The following DNM2 variants were observed in gnomAD, a reference collection of about 807,000 sequenced individuals.
DNM2 encodes dynamin-2.
DNM2 carries 15 observed loss-of-function variants against 99.0 expected under a neutral mutation model. The observed-to-expected ratio is 0.15, with a 90% CI of 0.10 to 0.23. DNM2 has a LOEUF of 0.23. DNM2 is among the 10% of genes least tolerant of loss of function. The pLI, the probability that DNM2 is intolerant of heterozygous loss-of-function variation, is 1.00. For synonymous variants in DNM2, 525 were observed against 481.2 expected (o/e 1.09, Z -1.19); for missense variants, 742 against 1,189.4 (o/e 0.62, Z 5.53).
At chr19:10,760,746 C>T (rs1390187731) in intron 2 of DNM2, among the ~76,000 whole-genome samples, 1 of 151,328 alleles carries the variant, frequency 6.6e-6, no homozygotes, top group African/African-American at 2.4e-5. Context: ...GCGGCCTCGA[C>T]CTCCTGGGCC....
At chr19:10,719,803 A>G (rs991977986) in intron 1 of DNM2, among the ~76,000 whole-genome samples, 1 of 152,182 alleles carries the variant, frequency 6.6e-6, no homozygotes, top group African/African-American at 2.4e-5. Flanking sequence ...AGGCTGTGTT[A>G]TCATCCCCAC....
At position 10,764,066 on chromosome 19, in the gene DNM2, G is replaced by T. The variant is rs925538838; in HGVS notation, c.235+4255G>T. On this transcript the variant is annotated intron_variant, in intron 2 of 20. Transcript: ENST00000389253. This position sits in a 1 kb window ranked among gnomAD's most constrained non-coding sequence, Gnocchi z 4.1. ...GAGGAGAGGAAAATGAACACATTGC[G>T]GGCATCAGTGATTGCTGGGGCCGGC... Among the ~76,000 whole-genome samples the T allele has an allele frequency of 6.6e-6, 1 of 152,152 alleles. No individual in the cohort carries two copies. Among genetic ancestry groups the T allele is most frequent in the African/African-American group, 2.4e-5 (1 of 41,422 alleles).
At chr19:10,756,115 CACTGTGACT>C (rs2070373552) in intron 1 of DNM2, among the ~76,000 whole-genome samples, 1 of 152,144 alleles carries the variant, frequency 6.6e-6, no homozygotes, top group African/African-American at 2.4e-5. Flanking sequence ...GCCTGGTGTC[CACTGTGACT>C]ACTGTGACGG....
chr19:10,800,149 T>G (rs985564747), intron 11 of DNM2, among the ~76,000 whole-genome samples: 2 of 152,184 alleles, frequency 1.3e-5, no homozygotes, highest in Non-Finnish European at 1.5e-5. Context: ...GAGCCACTGC[T>G]CCCAGATCTG....
chr19:10,831,748 G>C lies in DNM2; in HGVS notation c.*701G>C, dbSNP rs2146216493. 1 of 986,414 alleles carries C rather than the reference G, an allele frequency of 1.0e-6. No homozygotes were observed. The highest frequency in any genetic ancestry group is 1.1e-4 in the East Asian group (1 of 8,806). 61.1% of individuals were successfully genotyped at this position (986,414 alleles called of 1,614,324 possible). A position where few individuals can be genotyped will look rare whatever the true frequency, so the allele number is the denominator to read the frequency against. On this transcript the variant is annotated 3_prime_UTR_variant, in exon 21 of 21. Coordinates refer to ENST00000389253, the MANE Select transcript of DNM2 (RefSeq NM_001005361.3). The surrounding 1 kb of genome is among the most constrained non-coding windows in gnomAD (Gnocchi z 4.3). ...GTGGTGGTGGCGGGGGGTCTTGGGGGCCTCTCAGCTCCCGCCCATGCCTCC... is the reference window on the plus strand; with the variant it reads ...GTGGTGGTGGCGGGGGGTCTTGGGGCCCTCTCAGCTCCCGCCCATGCCTCC...
intron 1 of DNM2, among the ~76,000 whole-genome samples, chr19:10,747,102 T>C (rs2070017499): frequency 6.6e-6 from 1 of 151,610 alleles, no homozygotes; most frequent in Non-Finnish European, 1.5e-5. Context: ...GGTTTCAAAC[T>C]CCTGGGCTCA....
chr19:10,822,844 C>T (rs1027746571), intron 16 of DNM2, among the ~76,000 whole-genome samples: 12 of 151,490 alleles, frequency 7.9e-5, no homozygotes, highest in African/African-American at 2.4e-4. Context: ...CGGGGGCTCA[C>T]GCCTGTAATC....
At chr19:10,724,095 A>G (rs187187053) in intron 1 of DNM2, among the ~76,000 whole-genome samples, 2 of 112,520 alleles carry the variant, frequency 1.8e-5, no homozygotes, top group Admixed American at 8.9e-5. Flanking sequence ...AAAAAAAAAA[A>G]AAAGGCGATA....
At chr19:10,770,154 G>T (rs759479527) in intron 2 of DNM2, among the ~76,000 whole-genome samples, 1 of 152,214 alleles carries the variant, frequency 6.6e-6, no homozygotes, top group African/African-American at 2.4e-5. Flanking sequence ...TGATGGGACG[G>T]TGAAACTCCT....
Position 10,749,058 on chromosome 19 carries a change from TC to T in DNM2, c.162-10677del, listed in dbSNP as rs1178177162. On this transcript the variant is annotated intron_variant, in intron 1 of 20. Transcript: ENST00000389253. Reference sequence around the variant, plus strand: ...TGAGCATATGGTGACAAGGAAGGGATCCCAGCCCAGGGTCCTGGCCAGGCCC... The same window carrying T: ...TGAGCATATGGTGACAAGGAAGGGATCCAGCCCAGGGTCCTGGCCAGGCCC... Among the ~76,000 whole-genome samples the T allele has an allele frequency of 2.0e-5, 3 of 152,252 alleles. No individual in the cohort carries two copies. In the East Asian group the frequency reaches 5.8e-4, roughly 29 times the overall value.
intron 1 of DNM2, among the ~76,000 whole-genome samples, chr19:10,744,818 C>T (rs2069903678): frequency 6.6e-6 from 1 of 152,148 alleles, no homozygotes; most frequent in Non-Finnish European, 1.5e-5. Context: ...GGCTGGGGTA[C>T]TCAGGCCACC....
chr19:10,805,841 G>A (rs1360579728), intron 12 of DNM2, 75 bp from the exon 13 acceptor site: 3 of 1,595,610 alleles, frequency 1.9e-6, no homozygotes, highest in East Asian at 4.5e-5. Flanking sequence ...GGGAGAGAAC[G>A]GCCACATTCG....
chr19:10,798,268 C>T, intron 10 of DNM2: 1 of 581,208 alleles, frequency 1.7e-6, no homozygotes, highest in East Asian at 2.9e-5. Flanking sequence ...GCTGGAAAAG[C>T]AGCTCTGCTC....
chr19:10,766,079 C>T (rs999653847), intron 2 of DNM2, among the ~76,000 whole-genome samples: 2 of 152,110 alleles, frequency 1.3e-5, no homozygotes, highest in African/African-American at 4.8e-5. Flanking sequence ...GGTAGGAACC[C>T]GGAGCTGGGT....
At chr19:10,746,089 G>C (rs140698780) in intron 1 of DNM2, among the ~76,000 whole-genome samples, 1 of 152,110 alleles carries the variant, frequency 6.6e-6, no homozygotes, top group South Asian at 2.1e-4. Context: ...CTCCTGAGCA[G>C]CTAGGAGTAC....
rs1249700088 is a variant in DNM2 at position 10,830,773 on chromosome 19, G to C, written c.2544-205G>C. 6.6e-6 allele frequency among the ~76,000 whole-genome samples: 1 copy of C among 152,174 alleles called. No individual in the cohort carries two copies. The highest frequency in any genetic ancestry group is 1.5e-5 in the Non-Finnish European group (1 of 68,006). ...GGGAAGCTGAGGCCCAGGGAGGGCA[G>C]GGGGCTCACTGAGGGTCAAACAGCA... On this transcript the variant is annotated intron_variant, in intron 20 of 20. Coordinates refer to ENST00000389253, the MANE Select transcript of DNM2 (RefSeq NM_001005361.3). This position sits in a 1 kb window ranked among gnomAD's most constrained non-coding sequence, Gnocchi z 4.8.
At chr19:10,723,924 CA>C (rs2069023934) in intron 1 of DNM2, among the ~76,000 whole-genome samples, 1 of 151,970 alleles carries the variant, frequency 6.6e-6, no homozygotes. Flanking sequence ...CCCGTCTCTA[CA>C]AAAAATAAAA....
Position 10,718,123 on chromosome 19 carries a change from G to A in DNM2, c.-120G>A, listed in dbSNP as rs2068814691. On this transcript the variant is annotated 5_prime_UTR_variant, in exon 1 of 21. Transcript: ENST00000389253. ...GACCGTGAGGCCGAGCCGGGAGCGGGCGTCTTGCCGAGGCCCGGGCGGGCG... is the reference window on the plus strand; with the variant it reads ...GACCGTGAGGCCGAGCCGGGAGCGGACGTCTTGCCGAGGCCCGGGCGGGCG... The A allele has an allele frequency of 2.6e-6, 3 of 1,138,648 alleles. No individual in the cohort carries two copies. Among genetic ancestry groups the A allele is most frequent in the Non-Finnish European group, 3.3e-6 (3 of 897,378 alleles). The allele number at this position is 1,138,648 out of a possible 1,614,324, so 70.5% of individuals were successfully genotyped here. A position where few individuals can be genotyped will look rare whatever the true frequency, so the allele number is the denominator to read the frequency against.
chr19:10,726,423 C>T (rs1235263690), intron 1 of DNM2, among the ~76,000 whole-genome samples: 2 of 152,006 alleles, frequency 1.3e-5, no homozygotes, highest in Non-Finnish European at 2.9e-5. Context: ...AATGGAGTGC[C>T]TATCAGTGCA....
Sources: gnomAD v4.1 joint callset for allele counts (sites outside exome capture counted in the v4.1 genomes callset) on GRCh38, gnomAD v4.1.1 for gene constraint, Gnocchi (gnomAD v3.1) non-coding constraint, MANE v1.5 for transcripts, NCBI Gene and HGNC (gene_info 2026-07-23, HGNC 2026-07-21) for gene names.